Variants in ALG9 observed in about 807,000 individuals in gnomAD.
ALG9 encodes the protein alpha-1,2-mannosyltransferase ALG9.
In ALG9, 55 loss-of-function variants were observed where a neutral mutation model predicts 81.8. The ratio of observed to expected loss-of-function variants is 0.67; its 90% CI spans 0.54 to 0.84. The LOEUF is 0.84. Ranked by LOEUF, ALG9 falls within the 40% of genes least tolerant of loss-of-function variation. The probability of loss-of-function intolerance (pLI) is 0.00; values close to 1 mark genes in which losing one functional copy is unlikely to be tolerated. For missense variants in ALG9, 629 were observed against 745.0 expected, an observed-to-expected ratio of 0.84 and a Z score of 1.81; for synonymous variants, 278 against 274.3, an observed-to-expected ratio of 1.01 and a Z score of -0.13.
At chr11:111,815,919 T>C (rs1951403087) in intron 13 of ALG9, among the ~76,000 whole-genome samples, 1 of 152,216 alleles carries the variant, frequency 6.6e-6, no homozygotes, top group African/African-American at 2.4e-5. Flanking sequence ...ATTATCCTTG[T>C]TTCAACCTAG....
downstream of ALG9, among the ~76,000 whole-genome samples, chr11:111,780,584 T>C (rs1555056574): frequency 6.6e-6 from 1 of 151,834 alleles, no homozygotes; most frequent in Non-Finnish European, 1.5e-5. Flanking sequence ...TTTGTAGAGA[T>C]GGGGGTTTCA....
At chr11:111,776,003 A>G in the ALG9 span, among the ~76,000 whole-genome samples, 8 of 152,224 alleles carry the variant, frequency 5.3e-5, no homozygotes, top group South Asian at 2.1e-4. Context: ...GAGGTTAATA[A>G]TAGTTATTGA....
intron 13 of ALG9, among the ~76,000 whole-genome samples, chr11:111,815,570 G>C (rs1403652811): frequency 6.6e-6 from 1 of 152,150 alleles, no homozygotes; most frequent in Non-Finnish European, 1.5e-5. Context: ...GTATGATCAA[G>C]GGCAGGTTCT....
intron 14 of ALG9, among the ~76,000 whole-genome samples, chr11:111,806,633 C>G (rs782680090): frequency 5.3e-5 from 8 of 152,146 alleles, no homozygotes; most frequent in Non-Finnish European, 8.8e-5. Flanking sequence ...ACTTCATTCT[C>G]TCCTTTGGTG....
intron 13 of ALG9, among the ~76,000 whole-genome samples, chr11:111,815,375 C>A (rs1441027916): frequency 6.6e-6 from 1 of 151,904 alleles, no homozygotes; most frequent in African/African-American, 2.4e-5. Flanking sequence ...TGCACTCCAG[C>A]CCAGGAAACA....
the ALG9 span, among the ~76,000 whole-genome samples, chr11:111,770,792 A>C: frequency 6.6e-6 from 1 of 152,154 alleles, no homozygotes; most frequent in African/African-American, 2.4e-5. Flanking sequence ...TGTGGCACTG[A>C]GGTATTTCCA....
chr11:111,775,561 G>A, the ALG9 span, among the ~76,000 whole-genome samples: 1 of 152,114 alleles, frequency 6.6e-6, no homozygotes, highest in African/African-American at 2.4e-5. Flanking sequence ...ACACTCTCCA[G>A]GCTGTGGTTA....
rs1946137495 is a variant in ALG9 at position 111,783,469 on chromosome 11, A to G, written c.*2928T>C. The G allele has an allele frequency of 6.6e-6, 1 of 152,122 alleles. No homozygotes were observed. Among genetic ancestry groups the G allele is most frequent in the Non-Finnish European group, 1.5e-5 (1 of 68,072 alleles). The allele number at this position is 152,122 out of a possible 1,614,324, so 9.4% of individuals were successfully genotyped here. The stretch of plus-strand genomic sequence containing the variant: ...CAAGACTCTGTCTCGGGGAAAAAAA[A>G]TAATAATCTGTAGTCCCACATCCCT... On this transcript the variant is annotated 3_prime_UTR_variant, in exon 15 of 15. Coordinates refer to ENST00000616540, the MANE Select transcript of ALG9 (RefSeq NM_024740.2).
chr11:111,778,096 T>C (rs539156456), downstream of ALG9: 26 of 152,280 alleles, frequency 1.7e-4, no homozygotes, highest in African/African-American at 6.3e-4. Flanking sequence ...CCCCAGTGCG[T>C]TGAGTAGAAG....
intron 13 of ALG9, among the ~76,000 whole-genome samples, chr11:111,816,624 A>AT (rs1261204595): frequency 6.6e-6 from 1 of 151,378 alleles, no homozygotes; most frequent in Non-Finnish European, 1.5e-5. Context: ...TGATGTGATC[A>AT]TAACTCACTG....
intron 10 of ALG9, 59 bp from the exon 11 acceptor site, chr11:111,838,458 T>G: frequency 6.7e-7 from 1 of 1,482,226 alleles, no homozygotes; most frequent in Non-Finnish European, 9.3e-7. Context: ...CACAGTAACA[T>G]CAAGAGCGAA....
Position 111,865,357 on chromosome 11 carries a change from T to C in ALG9, c.406-106A>G, listed in dbSNP as rs1962015811. The C allele has an allele frequency of 1.7e-5, 15 of 871,966 alleles. 1 individual carries two copies. 54.0% of individuals were successfully genotyped at this position (871,966 alleles called of 1,614,324 possible). A position where few individuals can be genotyped will look rare whatever the true frequency, so the allele number is the denominator to read the frequency against. ...TTGTCAATAACACTGTAAATTGGTATAATTCTTTTGAAAAGCAACATGGAT... is the reference window on the plus strand; with the variant it reads ...TTGTCAATAACACTGTAAATTGGTACAATTCTTTTGAAAAGCAACATGGAT... On this transcript the variant is annotated intron_variant, in intron 3 of 14. Transcript: ENST00000616540.
At chr11:111,839,538 T>C (rs1262791157) in intron 10 of ALG9, among the ~76,000 whole-genome samples, 5 of 131,258 alleles carry the variant, frequency 3.8e-5, no homozygotes, top group African/African-American at 1.2e-4. Flanking sequence ...TGAGCCGAGA[T>C]TGCGCCACTG....
chr11:111,837,011 G>A (rs1303906612), intron 12 of ALG9, among the ~76,000 whole-genome samples: 13 of 152,202 alleles, frequency 8.5e-5, no homozygotes, highest in Non-Finnish European at 1.8e-4. Context: ...AAAGGAAACT[G>A]GTATAGACAT....
At chr11:111,807,135 C>G (rs1016663167) in intron 14 of ALG9, among the ~76,000 whole-genome samples, 2 of 152,196 alleles carry the variant, frequency 1.3e-5, no homozygotes, top group African/African-American at 4.8e-5. Context: ...CAGCACAGAA[C>G]TGAAAATGAT....
At chr11:111,860,724 C>A (rs1959786860) in intron 4 of ALG9, 89 bp from the exon 5 acceptor site, 1 of 984,416 alleles carries the variant, frequency 1.0e-6, no homozygotes, top group African/African-American at 1.6e-5. Context: ...ACAGATAACA[C>A]TGAAGATCTA....
intron 8 of ALG9, among the ~76,000 whole-genome samples, chr11:111,852,962 T>C (rs1052464317): frequency 3.4e-5 from 5 of 149,074 alleles, no homozygotes; most frequent in Admixed American, 3.3e-4. Context: ...AAAAAAAATG[T>C]CTGGGGTATA....
At chr11:111,862,158 C>A (rs1408912987) in intron 4 of ALG9, among the ~76,000 whole-genome samples, 1 of 152,108 alleles carries the variant, frequency 6.6e-6, no homozygotes, top group East Asian at 1.9e-4. Context: ...TATTGCCTCT[C>A]CGCATTCTAT....
chr11:111,855,658 T>C (rs945090223), intron 6 of ALG9, among the ~76,000 whole-genome samples: 3 of 152,120 alleles, frequency 2.0e-5, no homozygotes, highest in Non-Finnish European at 2.9e-5. Context: ...GGAGAGAAGA[T>C]AATGAATTCA....
Sources: allele counts gnomAD v4.1 joint callset (sites outside exome capture counted in the v4.1 genomes callset), GRCh38; gene constraint gnomAD v4.1.1; transcripts MANE v1.5; gene names NCBI Gene and HGNC (gene_info 2026-07-23, HGNC 2026-07-21).